Variants in DNM1L observed in about 807,000 individuals in gnomAD.
The protein encoded by DNM1L is dynamin-1-like protein.
In DNM1L, 33 loss-of-function variants were observed where a neutral mutation model predicts 92.8. The observed-to-expected ratio is 0.36, with a 90% confidence interval of 0.27 to 0.48. The LOEUF is 0.48. Among genes scored for constraint, DNM1L ranks in the 20% least tolerant of loss-of-function variants. The probability of loss-of-function intolerance (pLI) is 0.99; values close to 1 mark genes in which losing one functional copy is unlikely to be tolerated. For missense variants in DNM1L, 485 were observed against 888.8 expected, an observed-to-expected ratio of 0.55 and a Z score of 5.78; for synonymous variants, 284 against 305.0, an observed-to-expected ratio of 0.93 and a Z score of 0.72.
intron 1 of DNM1L, among the ~76,000 whole-genome samples, chr12:32,684,037 T>G (rs2137207078): frequency 6.6e-6 from 1 of 152,372 alleles, no homozygotes; most frequent in East Asian, 1.9e-4. Context: ...TTAAAAATAC[T>G]GAAATATTCA....
At chr12:32,713,157 A>T in intron 5 of DNM1L, 52 bp from the exon 6 acceptor site, 1 of 1,600,560 alleles carries the variant, frequency 6.2e-7, no homozygotes, top group Non-Finnish European at 8.5e-7. Flanking sequence ...TGGGTAAAAA[A>T]GCTGAGTTGA....
intron 9 of DNM1L, among the ~76,000 whole-genome samples, chr12:32,727,988 G>C (rs573334029): frequency 2.6e-5 from 4 of 152,154 alleles, no homozygotes; most frequent in Non-Finnish European, 5.9e-5. Context: ...CTACCAGCAA[G>C]AACATCCATT....
chr12:32,690,288 A>G (rs76113457), intron 1 of DNM1L, among the ~76,000 whole-genome samples: 1,825 of 152,326 alleles, frequency 0.012, 37 homozygotes, highest in African/African-American at 0.042. Context: ...TTAGTTGCCA[A>G]TGTTTAAAAA....
chr12:32,705,914 G>C, intron 2 of DNM1L: 1 of 1,516,114 alleles, frequency 6.6e-7, no homozygotes. Flanking sequence ...ATGCCTGCAT[G>C]TGTGCTTATG....
At chr12:32,679,869 C>G (rs1951739552) in intron 1 of DNM1L, 5 of 992,918 alleles carry the variant, frequency 5.0e-6, no homozygotes, top group African/African-American at 1.7e-5. Flanking sequence ...GCTCGGTGGG[C>G]TGGCTGTTCC....
Position 32,731,417 on chromosome 12 carries a change from T to C in DNM1L, c.1262T>C (p.Ile421Thr). Reference protein sequence around the residue: ...VSFELLVKRQIKRLEEPSLRC... With the variant: ...VSFELLVKRQTKRLEEPSLRC... Reference sequence around the variant, plus strand: ...TTTGAGTTACTGGTGAAGCGGCAAATCAAACGTCTAGAAGAGCCCAGCCTC... The same window carrying C: ...TTTGAGTTACTGGTGAAGCGGCAAACCAAACGTCTAGAAGAGCCCAGCCTC... The change falls in exon 11 of 20, where the codon ATC (isoleucine) becomes ACC (threonine). Residue 421 changes from isoleucine to threonine, a missense_variant. Transcript: ENST00000549701. This position sits in a 1 kb window ranked among gnomAD's most constrained non-coding sequence, Gnocchi z 5.1. 1 of 1,614,156 alleles carries C rather than the reference T, an allele frequency of 6.2e-7. No homozygotes were observed. The highest frequency in any genetic ancestry group is 8.5e-7 in the Non-Finnish European group (1 of 1,180,034).
chr12:32,710,215 TTAGA>T (rs1953074354), intron 4 of DNM1L, among the ~76,000 whole-genome samples: 3 of 152,226 alleles, frequency 2.0e-5, no homozygotes, highest in African/African-American at 7.2e-5. Context: ...GATTAAAGAG[TTAGA>T]TAAACTTCTT....
In DNM1L at chr12:32,743,380, T is replaced by C. The variant is rs372789378; in HGVS notation, c.2181T>C (p.Ile727=). The part of the protein sequence containing the change: ...LKALQGASQI[I]AEIRETHLW Reference sequence around the variant, plus strand: ...CATTACAAGGAGCCAGTCAAATTATTGCTGAAATCCGGGAGACTCATCTTT... The same window carrying C: ...CATTACAAGGAGCCAGTCAAATTATCGCTGAAATCCGGGAGACTCATCTTT... Residue 727 remains isoleucine (I), a synonymous_variant, in exon 20 of 20, where the codon ATT becomes ATC. Transcript: ENST00000549701. 1.6e-5 allele frequency: 26 copies of C among 1,613,894 alleles called. No homozygotes were observed. Among genetic ancestry groups the C allele is most frequent in the Non-Finnish European group, 2.0e-5 (24 of 1,179,996 alleles).
rs1592663806 is a variant in DNM1L at position 32,731,634 on chromosome 12, G to T, written c.1356+123G>T. The T allele has an allele frequency of 7.8e-7, 1 of 1,277,020 alleles. No homozygotes were observed. Among genetic ancestry groups the T allele is most frequent in the East Asian group, 2.4e-5 (1 of 40,818 alleles). The allele number at this position is 1,277,020 out of a possible 1,614,324, so 79.1% of individuals were successfully genotyped here. ...GGTAAAATCTGTAGTTCCCTTACCT[G>T]AAAGTGATTTGAAATAGGATTCTTA... On this transcript the variant is annotated intron_variant, in intron 11 of 19. Coordinates refer to ENST00000549701, the MANE Select transcript of DNM1L (RefSeq NM_012062.5). The surrounding 1 kb of genome is among the most constrained non-coding windows in gnomAD (Gnocchi z 5.1).
At chr12:32,727,195 T>C in intron 9 of DNM1L, 1 of 979,398 alleles carries the variant, frequency 1.0e-6, no homozygotes, top group Non-Finnish European at 1.7e-6. Context: ...TAAATTGTAT[T>C]AGTAATCTCA....
At chr12:32,724,587 AAAAAAAATATATAT>A (rs1162012180) in intron 9 of DNM1L, among the ~76,000 whole-genome samples, 4 of 72,026 alleles carry the variant, frequency 5.6e-5, no homozygotes, top group African/African-American at 1.6e-4. Flanking sequence ...AAAAAAAAAA[AAAAAAAATATATAT>A]ATATATATAT....
chr12:32,731,827 C>A lies in DNM1L; in HGVS notation c.1357-27C>A. 1 of 1,453,114 alleles carries A rather than the reference C, an allele frequency of 6.9e-7. No homozygotes were observed. Among genetic ancestry groups the A allele is most frequent in the African/African-American group, 1.5e-5 (1 of 65,322 alleles). 90.0% of individuals were successfully genotyped at this position (1,453,114 alleles called of 1,614,324 possible). On this transcript the variant is annotated intron_variant, in intron 11 of 19. Coordinates refer to ENST00000549701, the MANE Select transcript of DNM1L (RefSeq NM_012062.5). This position sits in a 1 kb window ranked among gnomAD's most constrained non-coding sequence, Gnocchi z 5.1. The stretch of plus-strand genomic sequence containing the variant: ...TTAAAAAAAAAACAAAAAACAAACA[C>A]GTTTTTCTTTCATCTACCATTTGTA...
At chr12:32,687,219 A>G (rs959715730) in intron 1 of DNM1L, among the ~76,000 whole-genome samples, 2 of 150,462 alleles carry the variant, frequency 1.3e-5, no homozygotes, top group Non-Finnish European at 1.5e-5. Flanking sequence ...AGCCGTGAAG[A>G]TTTTTTTTTA....
In DNM1L at chr12:32,742,646, T is replaced by C. The variant is rs2137611702; in HGVS notation, c.2052T>C (p.Ser684=). The change falls in exon 19 of 20, where the codon AGT becomes AGC. Residue 684 remains serine, a synonymous_variant. Transcript: ENST00000549701. ...ATCATGTGAAAGACACTCTTCAGAG[T>C]GAGCTAGTAGGCCAGCTGTATAAAT... ...LVNHVKDTLQ[S]ELVGQLYKSS... is the part of the protein sequence containing the mutation. 1 of 1,614,122 alleles carries C rather than the reference T, an allele frequency of 6.2e-7. No homozygotes were observed. The highest frequency in any genetic ancestry group is 2.2e-5 in the East Asian group (1 of 44,866).
intron 14 of DNM1L, chr12:32,737,365 C>T: frequency 1.8e-6 from 1 of 544,366 alleles, no homozygotes; most frequent in Non-Finnish European, 3.2e-6. Context: ...GACATAAATG[C>T]TTAAAAGTAG....
intron 9 of DNM1L, among the ~76,000 whole-genome samples, chr12:32,730,430 G>A (rs1592660010): frequency 6.6e-6 from 1 of 151,820 alleles, no homozygotes; most frequent in Non-Finnish European, 1.5e-5. Flanking sequence ...GGCTGGGCAC[G>A]GGTGGCTCAC....
intron 7 of DNM1L, among the ~76,000 whole-genome samples, chr12:32,720,357 ATTG>A (rs1393762578): frequency 2.0e-5 from 3 of 152,082 alleles, no homozygotes; most frequent in Admixed American, 2.0e-4. Context: ...CCTGTTACTT[ATTG>A]TTTTTGTCTA....
At chr12:32,726,536 C>T (rs1227129039) in intron 9 of DNM1L, 35 of 1,101,514 alleles carry the variant, frequency 3.2e-5, no homozygotes, top group Non-Finnish European at 4.9e-5. Context: ...TAAACTATAA[C>T]ACTGATCTTG....
At chr12:32,723,308 A>G (rs1042918592) in intron 9 of DNM1L, among the ~76,000 whole-genome samples, 15 of 152,206 alleles carry the variant, frequency 9.9e-5, no homozygotes, top group Non-Finnish European at 4.4e-5. Flanking sequence ...CATCCCCATT[A>G]TATAACAAGA....
Sources: gnomAD v4.1 joint callset for allele counts (sites outside exome capture counted in the v4.1 genomes callset) on GRCh38, gnomAD v4.1.1 for gene constraint, Gnocchi (gnomAD v3.1) non-coding constraint, MANE v1.5 for transcripts, NCBI Gene and HGNC (gene_info 2026-07-23, HGNC 2026-07-21) for gene names.